The following ZDHHC16 variants were observed in gnomAD, a reference collection of about 807,000 sequenced individuals.
The protein encoded by ZDHHC16 is zDHHC palmitoyltransferase 16.
Under a neutral mutation model 54.4 loss-of-function variants are expected in ZDHHC16, and 33 were observed. The ratio of observed to expected loss-of-function variants is 0.61; its 90% confidence interval spans 0.46 to 0.81. ZDHHC16 has a LOEUF of 0.81. Among genes scored for constraint, ZDHHC16 ranks in the 30% least tolerant of loss-of-function variants. ZDHHC16 has a pLI of 0.00. For missense variants in ZDHHC16, 420 were observed against 485.9 expected, an observed-to-expected ratio of 0.86 and a Z score of 1.28; for synonymous variants, 185 against 182.1, an observed-to-expected ratio of 1.02 and a Z score of -0.13.
Position 97,454,703 on chromosome 10 carries a change from T to C in ZDHHC16, c.739-11T>C. 1 of 1,614,038 alleles carries C rather than the reference T, an allele frequency of 6.2e-7. No homozygotes were observed. ...AGCAAATGAGCCAGCTTTGCTGTTTTCTTTTTCTAGACTTATCACCAGACC... is the reference window on the plus strand; with the variant it reads ...AGCAAATGAGCCAGCTTTGCTGTTTCCTTTTTCTAGACTTATCACCAGACC... On this transcript the variant is annotated splice_polypyrimidine_tract_variant and intron_variant, in intron 8 of 11. Coordinates refer to ENST00000393760, the MANE Select transcript of ZDHHC16 (RefSeq NM_198046.3).
At chr10:97,453,965 C>A in intron 8 of ZDHHC16, 119 bp downstream of exon 8, 3 of 1,366,716 alleles carry the variant, frequency 2.2e-6, no homozygotes, top group Non-Finnish European at 3.1e-6. Context: ...CCACTCTAGA[C>A]CAGATCAGGA....
intron 1 of ZDHHC16, among the ~76,000 whole-genome samples, chr10:97,449,861 CTTTTTTTTTTTT>C (rs35173837): frequency 3.7e-5 from 3 of 81,516 alleles, no homozygotes; most frequent in Admixed American, 1.6e-4. Flanking sequence ...CCCCTTAATT[CTTTTTTTTTTTT>C]TTTTTTTTTG....
At chr10:97,456,181 T>C in intron 11 of ZDHHC16, 137 bp downstream of exon 11, 1 of 920,048 alleles carries the variant, frequency 1.1e-6, no homozygotes, top group Admixed American at 2.7e-5. Context: ...TAGAGATCAT[T>C]GTCCATTTGA....
Position 97,456,028 on chromosome 10 carries a change from G to A in ZDHHC16, c.1003G>A (p.Gly335Ser). Reference sequence around the variant, plus strand: ...CTTGGACAACTGGAAGGTATTCCTGGGTGTGGATACAGGAAGGTAATGTAA... The same window carrying A: ...CTTGGACAACTGGAAGGTATTCCTGAGTGTGGATACAGGAAGGTAATGTAA... ...GCLDNWKVFL[G>S]VDTGRHWLTR... The change falls in exon 11 of 12, where the codon GGT becomes AGT. Residue 335 changes from glycine (G) to serine (S), a missense_variant. Coordinates refer to ENST00000393760, the MANE Select transcript of ZDHHC16 (RefSeq NM_198046.3). The A allele has an allele frequency of 1.9e-6, 3 of 1,614,102 alleles. No individual in the cohort carries two copies. Among genetic ancestry groups the A allele is most frequent in the Non-Finnish European group, 2.5e-6 (3 of 1,179,992 alleles).
chr10:97,453,716 A>T, intron 7 of ZDHHC16, 53 bp downstream of exon 7: 1 of 1,613,710 alleles, frequency 6.2e-7, no homozygotes. Flanking sequence ...CGGGATGTAG[A>T]ACCTGTCCCT....
At chr10:97,454,557 G>A (rs1416221868) in intron 8 of ZDHHC16, among the ~76,000 whole-genome samples, 157 bp from the exon 9 acceptor site, 1 of 152,172 alleles carries the variant, frequency 6.6e-6, no homozygotes, top group Non-Finnish European at 1.5e-5. Flanking sequence ...ATGCCGCTGG[G>A]CTTGGTCCAC....
intron 8 of ZDHHC16, 43 bp downstream of exon 8, chr10:97,453,889 G>T: frequency 6.2e-7 from 1 of 1,613,404 alleles, no homozygotes; most frequent in Non-Finnish European, 8.5e-7. Flanking sequence ...CTCAGGCCTG[G>T]GGGTATAGAG....
At position 97,453,579 on chromosome 10, in the gene ZDHHC16, T is replaced by C; in HGVS notation, c.606T>C (p.Ser202=). 1 of 1,614,220 alleles carries C rather than the reference T, an allele frequency of 6.2e-7. No individual in the cohort carries two copies. The highest frequency in any genetic ancestry group is 8.5e-7 in the Non-Finnish European group (1 of 1,180,046). Residue 202 remains serine (S), a synonymous_variant, in exon 7 of 12, where the codon TCT becomes TCC. Transcript: ENST00000393760. ...ACTATAACCATCGGTACTTCTTCTC[T>C]TTCTGCTTTTTCATGACTCTGGGCT... ...VGHYNHRYFF[S]FCFFMTLGCV...
chr10:97,456,309 T>C (rs10786349), intron 11 of ZDHHC16: 240,869 of 450,264 alleles, frequency 0.53, 65,175 homozygotes, highest in South Asian at 0.58. Context: ...GTGTAGGATA[T>C]GGTGGCCACC....
In ZDHHC16 at chr10:97,451,934, G is replaced by A. The variant is rs1846666074; in HGVS notation, c.243+16G>A. Reference sequence around the variant, plus strand: ...GTTTGGAGTGGTGAGTGATGTCCAGGGAGCAGGAAAAGGGGTGTTGTGGGG... The same window carrying A: ...GTTTGGAGTGGTGAGTGATGTCCAGAGAGCAGGAAAAGGGGTGTTGTGGGG... On this transcript the variant is annotated intron_variant, in intron 3 of 11. Coordinates refer to ENST00000393760, the MANE Select transcript of ZDHHC16 (RefSeq NM_198046.3). The A allele has an allele frequency of 6.2e-7, 1 of 1,601,500 alleles. No individual in the cohort carries two copies. Among genetic ancestry groups the A allele is most frequent in the African/African-American group, 1.3e-5 (1 of 74,874 alleles).
intron 6 of ZDHHC16, 107 bp from the exon 7 acceptor site, chr10:97,453,422 GA>G (rs1169836908): frequency 6.9e-7 from 1 of 1,459,804 alleles, no homozygotes; most frequent in Non-Finnish European, 9.2e-7. Flanking sequence ...TTAGTGACTG[GA>G]AGCCTGAGGC....
At chr10:97,456,362 A>G (rs1847189157) in intron 11 of ZDHHC16, 1 of 366,270 alleles carries the variant, frequency 2.7e-6, no homozygotes, top group Non-Finnish European at 4.9e-6. Context: ...GTTCAAGCCA[A>G]TAATTTGTGA....
chr10:97,451,507 C>T (rs187968078), intron 2 of ZDHHC16, among the ~76,000 whole-genome samples, 164 bp from the exon 3 acceptor site: 1 of 152,210 alleles, frequency 6.6e-6, no homozygotes, highest in Admixed American at 6.5e-5. Context: ...CTGGTCAGTC[C>T]GTAGAAAAGT....
rs1227505161 is a variant in ZDHHC16 at position 97,446,243 on chromosome 10, G to C, written c.-296G>C. On this transcript the variant is annotated 5_prime_UTR_variant, in exon 1 of 12. Transcript: ENST00000393760. ...GCGCTGCGGGCGGCGGGCCATGGTG[G>C]TTTGGATTGAGCCGGGCCCGGCCGG... 1.7e-6 allele frequency: 1 copy of C among 592,222 alleles called. No homozygotes were observed. Among genetic ancestry groups the C allele is most frequent in the East Asian group, 2.9e-5 (1 of 34,628 alleles). 36.7% of individuals were successfully genotyped at this position (592,222 alleles called of 1,614,324 possible). A position where few individuals can be genotyped will look rare whatever the true frequency, so the allele number is the denominator to read the frequency against.
intron 8 of ZDHHC16, among the ~76,000 whole-genome samples, chr10:97,454,162 G>A (rs1846939166): frequency 6.6e-6 from 1 of 152,176 alleles, no homozygotes. Context: ...GGGTTCCAGG[G>A]GACAGAGATC....
At chr10:97,453,034 A>C in intron 6 of ZDHHC16, 111 bp downstream of exon 6, 1 of 1,406,932 alleles carries the variant, frequency 7.1e-7, no homozygotes, top group Non-Finnish European at 1.0e-6. Flanking sequence ...GGAGTTGAGG[A>C]GTTGTGGGGC....
chr10:97,456,687 A>T, intron 11 of ZDHHC16, 90 bp from the exon 12 acceptor site: 1 of 910,720 alleles, frequency 1.1e-6, no homozygotes, highest in Non-Finnish European at 1.6e-6. Flanking sequence ...AGGTAGCTTC[A>T]GGATACCTTG....
At chr10:97,449,306 G>A (rs1389080581) in intron 1 of ZDHHC16, among the ~76,000 whole-genome samples, 2 of 151,030 alleles carry the variant, frequency 1.3e-5, no homozygotes, top group African/African-American at 4.9e-5. Context: ...CATTGGATTT[G>A]CATGCCATTG....
chr10:97,454,740 C>T lies in ZDHHC16; in HGVS notation c.765C>T (p.Thr255=). Residue 255 remains threonine, a synonymous_variant, in exon 9 of 12, where the codon ACC becomes ACT. Coordinates refer to ENST00000393760, the MANE Select transcript of ZDHHC16 (RefSeq NM_198046.3). ...NQTYHQTPPP[T]FSFRERMTHK... ...CTTATCACCAGACCCCACCACCCAC[C>T]TTCTCCTTTCGAGAAAGGATGACTC... The T allele has an allele frequency of 6.2e-7, 1 of 1,614,202 alleles. No individual in the cohort carries two copies. Among genetic ancestry groups the T allele is most frequent in the Non-Finnish European group, 8.5e-7 (1 of 1,180,028 alleles).
Sources: allele counts gnomAD v4.1 joint callset (sites outside exome capture counted in the v4.1 genomes callset), GRCh38; gene constraint gnomAD v4.1.1; transcripts MANE v1.5; gene names NCBI Gene and HGNC (gene_info 2026-07-23, HGNC 2026-07-21).